PHIP: variants seen among roughly 807,000 people sequenced by gnomAD.
PHIP encodes the protein PH-interacting protein.
Under a neutral mutation model 236.8 loss-of-function variants are expected in PHIP, and 54 were observed. The ratio of observed to expected loss-of-function variants is 0.23; its 90% CI spans 0.18 to 0.29. The LOEUF (loss-of-function observed/expected upper bound fraction) is 0.29. Among genes scored for constraint, PHIP ranks in the 10% least tolerant of loss-of-function variants. The probability of loss-of-function intolerance (pLI) is 1.00; values close to 1 mark genes in which losing one functional copy is unlikely to be tolerated. For synonymous variants in PHIP, 756 were observed against 718.9 expected (o/e 1.05, Z -0.83); for missense variants, 1,370 against 2,190.8 (o/e 0.63, Z 7.48).
chr6:78,964,791 T>C (rs1767025969), intron 29 of PHIP, among the ~76,000 whole-genome samples: 1 of 152,160 alleles, frequency 6.6e-6, no homozygotes, highest in South Asian at 2.1e-4. Flanking sequence ...ACTCCTGCCC[T>C]GTAATATATT....
chr6:79,078,200 C>A lies in PHIP; in HGVS notation c.-132G>T. The A allele has an allele frequency of 1.2e-6, 1 of 845,134 alleles. No homozygotes were observed. Among genetic ancestry groups the A allele is most frequent in the Non-Finnish European group, 1.9e-6 (1 of 538,142 alleles). 52.4% of individuals were successfully genotyped at this position (845,134 alleles called of 1,614,324 possible). ...AGCTTCGGCTCCACCATTCAAGCAA[C>A]GGCGGCGGAGGCGGAGGAGGAGGAG... On this transcript the variant is annotated 5_prime_UTR_variant, in exon 1 of 40. Coordinates refer to ENST00000275034, the MANE Select transcript of PHIP (RefSeq NM_017934.7).
chr6:79,025,430 T>G, intron 9 of PHIP, 89 bp downstream of exon 9: 1 of 716,756 alleles, frequency 1.4e-6, no homozygotes, highest in Non-Finnish European at 2.5e-6. Flanking sequence ...AAAAAGTAAA[T>G]GTATTCCTAT....
intron 24 of PHIP, among the ~76,000 whole-genome samples, chr6:78,975,218 T>C (rs1323308829): frequency 6.6e-6 from 1 of 151,894 alleles, no homozygotes; most frequent in Non-Finnish European, 1.5e-5. Flanking sequence ...GCTGGTTCAA[T>C]ATACGCAAAT....
chr6:79,015,560 C>G (rs1451924727), intron 14 of PHIP, 70 bp downstream of exon 14: 4 of 1,166,284 alleles, frequency 3.4e-6, no homozygotes, highest in Non-Finnish European at 3.7e-6. Flanking sequence ...AGACTTTATT[C>G]CTCAATGAGA....
At chr6:78,964,833 G>A (rs1374299628) in intron 29 of PHIP, among the ~76,000 whole-genome samples, 1 of 152,078 alleles carries the variant, frequency 6.6e-6, no homozygotes, top group Non-Finnish European at 1.5e-5. Flanking sequence ...ATAGAATAAC[G>A]TAAAAGAATT....
chr6:79,034,082 T>C (rs1259924825), intron 7 of PHIP, among the ~76,000 whole-genome samples: 2 of 152,110 alleles, frequency 1.3e-5, no homozygotes, highest in African/African-American at 4.8e-5. Context: ...ATAACAGTTA[T>C]AATAATAATG....
chr6:78,943,648 T>G (rs1773628974), intron 39 of PHIP, among the ~76,000 whole-genome samples: 1 of 152,098 alleles, frequency 6.6e-6, no homozygotes, highest in South Asian at 2.1e-4. Flanking sequence ...ATCAACATTA[T>G]AAGTACCACC....
intron 4 of PHIP, among the ~76,000 whole-genome samples, chr6:79,071,278 A>G (rs977337593): frequency 3.9e-5 from 6 of 152,116 alleles, no homozygotes; most frequent in South Asian, 2.1e-4. Context: ...ACAGTTTGTG[A>G]TTTTTCAGTA....
chr6:78,967,865 T>A (rs552770821), intron 27 of PHIP, among the ~76,000 whole-genome samples: 1 of 152,270 alleles, frequency 6.6e-6, no homozygotes, highest in African/African-American at 2.4e-5. Flanking sequence ...CCGGGCGCGG[T>A]GGCTCATGCC....
At chr6:79,043,762 C>T (rs1195404183) in intron 6 of PHIP, among the ~76,000 whole-genome samples, 1 of 151,594 alleles carries the variant, frequency 6.6e-6, no homozygotes, top group Non-Finnish European at 1.5e-5. Context: ...AAAGAAGGTG[C>T]TCAATAAATA....
intron 37 of PHIP, 142 bp from the exon 38 acceptor site, chr6:78,946,402 T>A: frequency 2.9e-6 from 4 of 1,392,336 alleles, no homozygotes; most frequent in Non-Finnish European, 3.8e-6. Context: ...CATATGATTG[T>A]GAGCCTTTGA....
chr6:78,955,080 T>C, intron 34 of PHIP, 117 bp from the exon 35 acceptor site: 2 of 890,442 alleles, frequency 2.2e-6, no homozygotes, highest in Admixed American at 3.2e-5. Flanking sequence ...AAAGAAAATA[T>C]TCACCAAGTT....
At chr6:79,009,993 C>T (rs1562176191) in intron 15 of PHIP, among the ~76,000 whole-genome samples, 1 of 150,678 alleles carries the variant, frequency 6.6e-6, no homozygotes, top group East Asian at 2.0e-4. Flanking sequence ...CTGGAAGCAT[C>T]AGAGAGTCCT....
intron 7 of PHIP, among the ~76,000 whole-genome samples, chr6:79,027,315 A>C (rs1238212267): frequency 6.6e-6 from 1 of 152,172 alleles, no homozygotes; most frequent in Non-Finnish European, 1.5e-5. Flanking sequence ...CCTCTGATTA[A>C]GCTTTGGAGT....
chr6:79,062,224 GATT>G (rs1773413067), intron 4 of PHIP, among the ~76,000 whole-genome samples: 1 of 152,072 alleles, frequency 6.6e-6, no homozygotes, highest in African/African-American at 2.4e-5. Context: ...AAAATCCTGA[GATT>G]ATTTCCCAAA....
At chr6:79,034,142 CTT>C (rs1771810197) in intron 7 of PHIP, among the ~76,000 whole-genome samples, 1 of 152,128 alleles carries the variant, frequency 6.6e-6, no homozygotes, top group African/African-American at 2.4e-5. Flanking sequence ...AGAGACAAGA[CTT>C]GAGCATATGT....
At chr6:78,946,656 A>G in intron 37 of PHIP, 55 bp downstream of exon 37, 3 of 1,478,826 alleles carry the variant, frequency 2.0e-6, no homozygotes, top group Non-Finnish European at 2.7e-6. Flanking sequence ...ACCAAGTTCT[A>G]TCATTTAGAT....
chr6:79,025,407 T>C (rs1196139140), intron 9 of PHIP, 112 bp downstream of exon 9: 3 of 618,868 alleles, frequency 4.8e-6, no homozygotes, highest in African/African-American at 3.8e-5. Flanking sequence ...ATTTCTATTA[T>C]TTACTCAAGG....
chr6:78,955,340 A>G, intron 33 of PHIP, 58 bp from the exon 34 acceptor site: 1 of 1,220,908 alleles, frequency 8.2e-7, no homozygotes, highest in Non-Finnish European at 1.2e-6. Flanking sequence ...TATACTTTAT[A>G]GTTGATTAAC....
Sources: gnomAD v4.1 joint callset for allele counts (sites outside exome capture counted in the v4.1 genomes callset) on GRCh38, gnomAD v4.1.1 for gene constraint, MANE v1.5 for transcripts, NCBI Gene and HGNC (gene_info 2026-07-23, HGNC 2026-07-21) for gene names.